PPP3CA: variants seen among roughly 807,000 people sequenced by gnomAD.
The protein encoded by PPP3CA is protein phosphatase 3 catalytic subunit alpha.
A neutral mutation model predicts 66.5 loss-of-function variants in PPP3CA; 14 were observed. The ratio of observed to expected loss-of-function variants is 0.21; its 90% CI spans 0.14 to 0.33. The LOEUF (loss-of-function observed/expected upper bound fraction) is 0.33. Among genes scored for constraint, PPP3CA ranks in the 10% least tolerant of loss-of-function variants. The probability of loss-of-function intolerance (pLI) is 1.00; values close to 1 mark genes in which losing one functional copy is unlikely to be tolerated. For missense variants in PPP3CA, 317 were observed against 639.5 expected, an observed-to-expected ratio of 0.50 and a Z score of 5.44; for synonymous variants, 232 against 226.2, an observed-to-expected ratio of 1.03 and a Z score of -0.23.
intron 2 of PPP3CA, chr4:101,158,444 G>A (rs1199152162): frequency 6.6e-6 from 1 of 152,216 alleles, no homozygotes; most frequent in African/African-American, 2.4e-5. Flanking sequence ...GGGAGCAACT[G>A]TTTTTCCTTT....
rs1458257606 is a variant in PPP3CA at position 101,124,696 on chromosome 4, AGAAAG to A, written c.260-15623_260-15619del. On this transcript the variant is annotated intron_variant, in intron 2 of 13. Coordinates refer to ENST00000394854, the MANE Select transcript of PPP3CA (RefSeq NM_000944.5). ...AAGAAAGAAAGAAAGAAAGAAAGAA[AGAAAG>A]AAAGAAAGAAAGAAAGAAAGAAAGA... Among the ~76,000 whole-genome samples the A allele has an allele frequency of 3.0e-5, 3 of 99,954 alleles. No homozygotes were observed. The South Asian group carries it at 1.1e-3, about 36-fold the overall frequency. The allele number at this position is 99,954 out of a possible 152,430, so 65.6% of individuals were successfully genotyped here. A position where few individuals can be genotyped will look rare whatever the true frequency, so the allele number is the denominator to read the frequency against.
At chr4:101,149,667 A>G (rs1033081636) in intron 2 of PPP3CA, among the ~76,000 whole-genome samples, 2 of 152,148 alleles carry the variant, frequency 1.3e-5, no homozygotes, top group African/African-American at 4.8e-5. Context: ...CTCAAGCCTA[A>G]TATTTTAATT....
intron 8 of PPP3CA, among the ~76,000 whole-genome samples, chr4:101,071,512 A>T (rs940475155): frequency 6.6e-6 from 1 of 152,216 alleles, no homozygotes; most frequent in Non-Finnish European, 1.5e-5. Flanking sequence ...TGAATGCTTT[A>T]TAGAGAATGA....
chr4:101,297,435 T>C (rs1247614329), intron 1 of PPP3CA, among the ~76,000 whole-genome samples: 2 of 152,158 alleles, frequency 1.3e-5, no homozygotes, highest in Non-Finnish European at 2.9e-5. Flanking sequence ...ATAATACAGG[T>C]CATTGCTTAA....
chr4:101,055,978 G>C (rs1400065990), intron 10 of PPP3CA, among the ~76,000 whole-genome samples: 2 of 151,686 alleles, frequency 1.3e-5, no homozygotes, highest in Admixed American at 1.3e-4. Flanking sequence ...ACAAATTAAA[G>C]CATATTATAT....
chr4:101,026,117 G>A, intron 13 of PPP3CA, 56 bp from the exon 14 acceptor site: 1 of 1,429,132 alleles, frequency 7.0e-7, no homozygotes, highest in Admixed American at 2.2e-5. Context: ...GAAAACAAAG[G>A]GCACAGCTGT....
chr4:101,124,725 G>GAAAGAAAGAAAGAAAGAAAGAAAAAGAA (rs1412415941), intron 2 of PPP3CA, among the ~76,000 whole-genome samples: 1 of 58,768 alleles, frequency 1.7e-5, no homozygotes, highest in African/African-American at 5.7e-5. Context: ...AAGAAAGAAA[G>GAAAGAAAGAAAGAAAGAAAGAAAAAGAA]AGAAAGAAAG....
chr4:101,109,328 A>G (rs1189246786), intron 2 of PPP3CA, among the ~76,000 whole-genome samples: 2 of 150,906 alleles, frequency 1.3e-5, no homozygotes, highest in Non-Finnish European at 3.0e-5. Flanking sequence ...AAAAAAAAAA[A>G]AAAGAAGAGA....
rs189267611 is a variant in PPP3CA, at chr4:101,193,751, T to C, written c.259+2165A>G. On this transcript the variant is annotated intron_variant, in intron 2 of 13. Transcript: ENST00000394854. ...TGAACCCAAACCTTTCATTGTCTTATGAACACTTGAAGAGAAAGTCTTTGT... is the reference window on the plus strand; with the variant it reads ...TGAACCCAAACCTTTCATTGTCTTACGAACACTTGAAGAGAAAGTCTTTGT... 2.4e-3 allele frequency among the ~76,000 whole-genome samples: 367 copies of C among 151,904 alleles called. 2 individuals carry two copies. Among genetic ancestry groups the C allele is most frequent in the African/African-American group, 8.2e-3 (340 of 41,248 alleles).
Position 101,065,335 on chromosome 4 carries a change from A to G in PPP3CA, c.956-1978T>C, listed in dbSNP as rs201920297. Among the ~76,000 whole-genome samples the G allele has an allele frequency of 9.2e-5, 14 of 152,214 alleles. No individual in the cohort carries two copies. The East Asian group carries it at 2.3e-3, about 25-fold the overall frequency. ...ATGTTCACAGCAGAAATGCATCCTC[A>G]TATCTTCAGATGAATCTTTAAGGCT... is the stretch of plus-strand genomic sequence containing the variant. On this transcript the variant is annotated intron_variant, in intron 8 of 13. Transcript: ENST00000394854.
intron 9 of PPP3CA, among the ~76,000 whole-genome samples, chr4:101,062,074 T>C (rs912432068): frequency 5.3e-5 from 8 of 152,066 alleles, no homozygotes; most frequent in Non-Finnish European, 7.4e-5. Flanking sequence ...TAGATTAATA[T>C]GTTAATTTCT....
chr4:101,026,920 C>T (rs573127860), intron 13 of PPP3CA, among the ~76,000 whole-genome samples: 1 of 152,178 alleles, frequency 6.6e-6, no homozygotes, highest in South Asian at 2.1e-4. Context: ...CAATATTTAG[C>T]AAAAATGCAT....
Position 101,025,298 on chromosome 4 carries a change from T to G in PPP3CA, c.*567A>C, listed in dbSNP as rs1297961193. The G allele has an allele frequency of 7.6e-6, 1 of 132,078 alleles. No homozygotes were observed. The highest frequency in any genetic ancestry group is 1.7e-5 in the Non-Finnish European group (1 of 59,774). 8.2% of individuals were successfully genotyped at this position (132,078 alleles called of 1,614,324 possible). On this transcript the variant is annotated 3_prime_UTR_variant, in exon 14 of 14. Transcript: ENST00000394854. ...AAATTTGCAACGTTCTTTTTTTTCTTTTTCTGTTTTTTTTTTTTTTTAAGA... is the reference window on the plus strand; with the variant it reads ...AAATTTGCAACGTTCTTTTTTTTCTGTTTCTGTTTTTTTTTTTTTTTAAGA...
intron 8 of PPP3CA, among the ~76,000 whole-genome samples, chr4:101,076,440 C>T (rs1729194813): frequency 6.6e-6 from 1 of 151,920 alleles, no homozygotes; most frequent in African/African-American, 2.4e-5. Flanking sequence ...TGGGAAATAA[C>T]AGGAATGCAT....
intron 2 of PPP3CA, among the ~76,000 whole-genome samples, chr4:101,131,878 A>C (rs1408753378): frequency 6.6e-6 from 1 of 152,230 alleles, no homozygotes; most frequent in East Asian, 1.9e-4. Context: ...GCAAATGTAA[A>C]AGAATGGAAA....
At chr4:101,307,657 A>C (rs540488619) in intron 1 of PPP3CA, among the ~76,000 whole-genome samples, 9 of 152,346 alleles carry the variant, frequency 5.9e-5, no homozygotes, top group African/African-American at 2.2e-4. Flanking sequence ...TCAAGTATAA[A>C]ACAGTTTTTG....
intron 1 of PPP3CA, among the ~76,000 whole-genome samples, chr4:101,285,002 G>C (rs1727793451): frequency 6.6e-6 from 1 of 151,412 alleles, no homozygotes; most frequent in Non-Finnish European, 1.5e-5. Flanking sequence ...AGTTCTTTTG[G>C]CATCTTCTTA....
chr4:101,324,515 C>A (rs1300368721), intron 1 of PPP3CA, among the ~76,000 whole-genome samples: 1 of 152,068 alleles, frequency 6.6e-6, no homozygotes, highest in Non-Finnish European at 1.5e-5. Flanking sequence ...TAAAGAAAAT[C>A]AAGCAGCCAT....
intron 2 of PPP3CA, among the ~76,000 whole-genome samples, chr4:101,111,990 C>A (rs893357667): frequency 2.0e-5 from 3 of 152,112 alleles, no homozygotes; most frequent in Non-Finnish European, 4.4e-5. Flanking sequence ...TTTCTCTCCC[C>A]TTCTAGCTTC....
Sources: gnomAD v4.1 joint callset for allele counts (sites outside exome capture counted in the v4.1 genomes callset) on GRCh38, gnomAD v4.1.1 for gene constraint, MANE v1.5 for transcripts, NCBI Gene and HGNC (gene_info 2026-07-23, HGNC 2026-07-21) for gene names.